Variants in DSCAM observed in about 807,000 individuals in gnomAD.
The protein encoded by DSCAM is DS cell adhesion molecule, also known as cell adhesion molecule DSCAM.
In DSCAM, 47 loss-of-function variants were observed where a neutral mutation model predicts 217.7. The ratio of observed to expected loss-of-function variants is 0.22; its 90% CI spans 0.17 to 0.28. DSCAM has a LOEUF of 0.28. DSCAM is among the 10% of genes least tolerant of loss of function. DSCAM has a pLI of 1.00. For synonymous variants in DSCAM, 1,056 were observed against 1,015.3 expected (o/e 1.04, Z -0.76); for missense variants, 2,080 against 2,618.3 (o/e 0.79, Z 4.49).
intron 3 of DSCAM, chr21:40,615,466 T>TCAC (rs2089380654): frequency 7.1e-3 from 1 of 140 alleles, no homozygotes. Context: ...AGTGATCTCT[T>TCAC]CATTATCTTC....
intron 9 of DSCAM, among the ~76,000 whole-genome samples, chr21:40,300,046 T>G (rs541612224): frequency 1.6e-3 from 240 of 152,130 alleles, no homozygotes; most frequent in Non-Finnish European, 2.7e-3. Flanking sequence ...CTTTGCTTGC[T>G]TATTAAAGAG....
chr21:40,039,058 C>CCAA (rs2088688770), intron 32 of DSCAM, among the ~76,000 whole-genome samples: 1 of 151,340 alleles, frequency 6.6e-6, no homozygotes, highest in Non-Finnish European at 1.5e-5. Context: ...GGGAGATATA[C>CCAA]CTAATGCTAG....
intron 3 of DSCAM, among the ~76,000 whole-genome samples, chr21:40,472,010 T>C (rs572256417): frequency 9.8e-4 from 150 of 152,288 alleles, no homozygotes; most frequent in African/African-American, 2.9e-3. Flanking sequence ...GTTCTCATTG[T>C]TCAATTCCCA....
chr21:40,595,886 G>T (rs189281551), intron 3 of DSCAM, among the ~76,000 whole-genome samples: 1 of 152,208 alleles, frequency 6.6e-6, no homozygotes, highest in African/African-American at 2.4e-5. Context: ...TGAATGAGAC[G>T]AAGTATCCTG....
intron 3 of DSCAM, among the ~76,000 whole-genome samples, chr21:40,590,921 A>G (rs2076979468): frequency 6.6e-6 from 1 of 152,076 alleles, no homozygotes; most frequent in South Asian, 2.1e-4. Context: ...CTATAACAAA[A>G]TGCCATGGCT....
chr21:40,207,622 T>C (rs1394359524), intron 11 of DSCAM, among the ~76,000 whole-genome samples: 1 of 152,240 alleles, frequency 6.6e-6, no homozygotes, highest in Non-Finnish European at 1.5e-5. Context: ...ATTACACATC[T>C]ATAAGTGGCA....
At chr21:40,017,191 C>A (rs1470078454) in intron 32 of DSCAM, among the ~76,000 whole-genome samples, 1 of 151,760 alleles carries the variant, frequency 6.6e-6, no homozygotes, top group Non-Finnish European at 1.5e-5. Context: ...TTTAAATGAG[C>A]ATACAAATTT....
rs759961978 is a variant in DSCAM, at chr21:40,042,513, C to T, written c.5544G>A (p.Thr1848=). The T allele has an allele frequency of 2.5e-5, 40 of 1,614,082 alleles. No homozygotes were observed. In the Admixed American group the frequency reaches 3.3e-4, roughly 13 times the overall value. ...FISDTSSEQL[T]AGTNEYTDSL... is the part of the protein sequence containing the mutation. Reference sequence around the variant, plus strand: ...TGTCCGTGTACTCATTTGTCCCTGCCGTCAACTGCTCCGATGACGTGTCTG... The same window carrying T: ...TGTCCGTGTACTCATTTGTCCCTGCTGTCAACTGCTCCGATGACGTGTCTG... Residue 1848 remains threonine, a synonymous_variant, in exon 32 of 33, where the codon ACG becomes ACA. Transcript: ENST00000400454.
chr21:40,150,200 T>G (rs1396751161), intron 16 of DSCAM, among the ~76,000 whole-genome samples: 1 of 152,250 alleles, frequency 6.6e-6, no homozygotes, highest in Admixed American at 6.5e-5. Flanking sequence ...AGGGTAGGAA[T>G]TCTCCAAAGT....
Position 40,342,642 on chromosome 21 carries a change from ATATAT to A in DSCAM, c.1211-3232_1211-3228del, listed in dbSNP as rs1475247979. Among the ~76,000 whole-genome samples, 717 of 95,500 alleles carry A rather than the reference ATATAT, an allele frequency of 7.5e-3. 23 individuals carry two copies. Among genetic ancestry groups the A allele is most frequent in the Admixed American group, 0.041 (354 of 8,676 alleles). The allele number at this position is 95,500 out of a possible 152,430, so 62.7% of individuals were successfully genotyped here. A position where few individuals can be genotyped will look rare whatever the true frequency, so the allele number is the denominator to read the frequency against. Reference sequence around the variant, plus strand: ...TGTGTGTGTGTATATATATATATATATATATATTTTTTTTTTTTTTTTGAGACAGT... The same window carrying A: ...TGTGTGTGTGTATATATATATATATAATTTTTTTTTTTTTTTTGAGACAGT... On this transcript the variant is annotated intron_variant, in intron 6 of 32. Coordinates refer to ENST00000400454, the MANE Select transcript of DSCAM (RefSeq NM_001389.5).
At chr21:40,072,507 C>T (rs112482403) in intron 27 of DSCAM, among the ~76,000 whole-genome samples, 16,952 of 151,970 alleles carry the variant, frequency 0.11, 1,091 homozygotes, top group East Asian at 0.24. Flanking sequence ...CCACCACCCC[C>T]GGCTAATTTT....
chr21:40,252,255 T>C (rs1407336563), intron 11 of DSCAM, among the ~76,000 whole-genome samples: 1 of 152,208 alleles, frequency 6.6e-6, no homozygotes, highest in Non-Finnish European at 1.5e-5. Context: ...ATCAGACCTT[T>C]ATGCCATAAA....
chr21:40,817,811 C>G (rs1369669792), intron 1 of DSCAM, among the ~76,000 whole-genome samples: 1 of 152,142 alleles, frequency 6.6e-6, no homozygotes, highest in Non-Finnish European at 1.5e-5. Context: ...AAGAAGCTCC[C>G]GGTGGCCGGG....
intron 11 of DSCAM, among the ~76,000 whole-genome samples, chr21:40,245,504 G>A (rs1318392494): frequency 6.6e-6 from 1 of 152,178 alleles, no homozygotes; most frequent in Non-Finnish European, 1.5e-5. Flanking sequence ...TTCTGAAGAT[G>A]CCTCCACCTG....
In DSCAM at chr21:40,195,984, A is replaced by AT. The variant is rs1411738081; in HGVS notation, c.2357-6747dup. 2.0e-5 allele frequency among the ~76,000 whole-genome samples: 3 copies of AT among 152,184 alleles called. No individual in the cohort carries two copies. The South Asian group carries it at 6.2e-4, about 32-fold the overall frequency. ...TTTGTTATCAAGATTTACTGAATAC[A>AT]TTTTTTTTATTATTCTATTTTAAAA... On this transcript the variant is annotated intron_variant, in intron 11 of 32. Transcript: ENST00000400454.
intron 1 of DSCAM, among the ~76,000 whole-genome samples, chr21:40,759,611 G>C (rs1364356385): frequency 6.6e-6 from 1 of 152,142 alleles, no homozygotes. Flanking sequence ...GGGCTGTCCA[G>C]ACTCTTCTGT....
At chr21:40,334,686 A>G (rs879798408) in intron 8 of DSCAM, among the ~76,000 whole-genome samples, 1 of 149,550 alleles carries the variant, frequency 6.7e-6, no homozygotes, top group Non-Finnish European at 1.5e-5. Flanking sequence ...GCTGGAGTGC[A>G]GTGTCTATTC....
At chr21:40,554,231 G>C (rs1448881607) in intron 3 of DSCAM, among the ~76,000 whole-genome samples, 1 of 150,498 alleles carries the variant, frequency 6.6e-6, no homozygotes, top group Admixed American at 6.6e-5. Flanking sequence ...CAAATTGTTG[G>C]ATTAAACGAA....
At chr21:40,632,695 A>G (rs1488369967) in intron 3 of DSCAM, among the ~76,000 whole-genome samples, 2 of 152,148 alleles carry the variant, frequency 1.3e-5, no homozygotes, top group Non-Finnish European at 2.9e-5. Flanking sequence ...GGTCTCACTC[A>G]CTCTTCATCC....
Sources: allele counts gnomAD v4.1 joint callset (sites outside exome capture counted in the v4.1 genomes callset), GRCh38; gene constraint gnomAD v4.1.1; transcripts MANE v1.5; gene names NCBI Gene and HGNC (gene_info 2026-07-23, HGNC 2026-07-21).